PPM1E: variants seen among roughly 807,000 people sequenced by gnomAD.
PPM1E encodes protein phosphatase, Mg2+/Mn2+ dependent 1E, also known as protein phosphatase 1E.
Under a neutral mutation model 65.9 loss-of-function variants are expected in PPM1E, and 20 were observed. That is an observed-to-expected ratio of 0.30 (90% confidence interval 0.21 to 0.44). PPM1E has a LOEUF of 0.44. PPM1E is among the 20% of genes least tolerant of loss of function. The pLI, the probability that PPM1E is intolerant of heterozygous loss-of-function variation, is 1.00. For missense variants in PPM1E, 713 were observed against 953.1 expected, an observed-to-expected ratio of 0.75 and a Z score of 3.32; for synonymous variants, 352 against 374.9, an observed-to-expected ratio of 0.94 and a Z score of 0.70.
intron 1 of PPM1E, among the ~76,000 whole-genome samples, chr17:58,941,213 C>A (rs991805413): frequency 7.9e-5 from 12 of 152,226 alleles, no homozygotes; most frequent in African/African-American, 2.9e-4. Flanking sequence ...ATTTCCATAG[C>A]ATGGAAGGAG....
intron 1 of PPM1E, among the ~76,000 whole-genome samples, chr17:58,942,359 C>G (rs2052085186): frequency 6.6e-6 from 1 of 151,994 alleles, no homozygotes; most frequent in Non-Finnish European, 1.5e-5. Flanking sequence ...ACACTCCAGT[C>G]TGGGCAACAC....
intron 1 of PPM1E, among the ~76,000 whole-genome samples, chr17:58,766,399 A>C (rs759909714): frequency 1.3e-5 from 2 of 149,938 alleles, no homozygotes; most frequent in Non-Finnish European, 3.0e-5. Context: ...ACAGGGTTTC[A>C]TCATGTTGGT....
At chr17:58,888,325 G>C (rs1482353753) in intron 1 of PPM1E, among the ~76,000 whole-genome samples, 1 of 149,282 alleles carries the variant, frequency 6.7e-6, no homozygotes, top group Non-Finnish European at 1.5e-5. Context: ...TTGCATTATG[G>C]AATATTGATG....
chr17:58,928,360 A>G (rs532167525), intron 1 of PPM1E, among the ~76,000 whole-genome samples: 1 of 152,106 alleles, frequency 6.6e-6, no homozygotes, highest in South Asian at 2.1e-4. Context: ...ATTTGAAAGA[A>G]ATTATTATAT....
intron 1 of PPM1E, among the ~76,000 whole-genome samples, chr17:58,886,170 G>T (rs1231773150): frequency 1.3e-5 from 2 of 152,252 alleles, no homozygotes; most frequent in Non-Finnish European, 2.9e-5. Context: ...TGTCCTTGAG[G>T]ATTTAAACCT....
intron 1 of PPM1E, among the ~76,000 whole-genome samples, chr17:58,830,709 G>A (rs531690702): frequency 4.0e-5 from 6 of 151,614 alleles, no homozygotes; most frequent in Admixed American, 6.6e-5. Flanking sequence ...TTTTTGAGAC[G>A]GAGTCTCACT....
chr17:58,915,203 C>A (rs1038173343), intron 1 of PPM1E, among the ~76,000 whole-genome samples: 1 of 152,162 alleles, frequency 6.6e-6, no homozygotes, highest in Non-Finnish European at 1.5e-5. Flanking sequence ...GCCTTGAGGG[C>A]TGCTGGTTGT....
chr17:58,811,808 C>G (rs1436086212), intron 1 of PPM1E, among the ~76,000 whole-genome samples: 1 of 151,912 alleles, frequency 6.6e-6, no homozygotes, highest in Non-Finnish European at 1.5e-5. Flanking sequence ...GTAGCTGGGA[C>G]TATAGGCGTG....
intron 1 of PPM1E, among the ~76,000 whole-genome samples, chr17:58,833,135 A>C (rs1350569791): frequency 6.6e-6 from 1 of 151,680 alleles, no homozygotes; most frequent in Non-Finnish European, 1.5e-5. Flanking sequence ...TGTTTGGGGG[A>C]TGTATGTAGT....
At chr17:58,866,396 G>A (rs2143324055) in intron 1 of PPM1E, among the ~76,000 whole-genome samples, 1 of 152,250 alleles carries the variant, frequency 6.6e-6, no homozygotes, top group Non-Finnish European at 1.5e-5. Flanking sequence ...CTTCTACAGT[G>A]CCCCTTGCTG....
At chr17:58,858,908 G>T (rs994886190) in intron 1 of PPM1E, among the ~76,000 whole-genome samples, 1 of 152,200 alleles carries the variant, frequency 6.6e-6, no homozygotes. Flanking sequence ...CCTCCATATT[G>T]TTCTCCAGAT....
chr17:58,852,612 T>G (rs1325447157), intron 1 of PPM1E, among the ~76,000 whole-genome samples: 16 of 106,378 alleles, frequency 1.5e-4, no homozygotes, highest in South Asian at 8.4e-4. Flanking sequence ...TTTTTTTTTG[T>G]TTTTTTTTTT....
At chr17:58,912,538 A>C (rs2051639277) in intron 1 of PPM1E, among the ~76,000 whole-genome samples, 1 of 152,212 alleles carries the variant, frequency 6.6e-6, no homozygotes, top group African/African-American at 2.4e-5. Context: ...GAAAGAGTAG[A>C]ATTGTAGGAG....
chr17:58,776,702 T>C (rs2049997805), intron 1 of PPM1E, among the ~76,000 whole-genome samples: 1 of 152,206 alleles, frequency 6.6e-6, no homozygotes, highest in Non-Finnish European at 1.5e-5. Context: ...ACTTATGAAC[T>C]CATGAATATT....
chr17:58,852,228 C>G (rs1050489528), intron 1 of PPM1E, among the ~76,000 whole-genome samples: 6 of 152,130 alleles, frequency 3.9e-5, no homozygotes, highest in Non-Finnish European at 8.8e-5. Context: ...TTGCGCTTCC[C>G]GGGTGAAGCA....
At chr17:58,798,307 C>A (rs1214266400) in intron 1 of PPM1E, among the ~76,000 whole-genome samples, 1 of 148,970 alleles carries the variant, frequency 6.7e-6, no homozygotes, top group South Asian at 2.1e-4. Flanking sequence ...CGGCTTGCTG[C>A]AACCTCCACC....
chr17:58,758,399 G>A (rs916618210), intron 1 of PPM1E, among the ~76,000 whole-genome samples: 7 of 151,856 alleles, frequency 4.6e-5, no homozygotes, highest in African/African-American at 1.7e-4. Flanking sequence ...GTGGTGTCGC[G>A]CGCCTGTAAT....
chr17:58,810,497 G>A (rs1300101729), intron 1 of PPM1E, among the ~76,000 whole-genome samples: 3 of 152,084 alleles, frequency 2.0e-5, no homozygotes, highest in Non-Finnish European at 2.9e-5. Context: ...GAGCCACTGC[G>A]CCCGGCCGCT....
chr17:58,972,300 G>A (rs767370345), intron 5 of PPM1E, 25 bp downstream of exon 5: 3 of 1,591,140 alleles, frequency 1.9e-6, no homozygotes, highest in African/African-American at 2.7e-5. Context: ...TTTTAATAGA[G>A]CCCATGCTCT....
Sources: allele counts gnomAD v4.1 joint callset (sites outside exome capture counted in the v4.1 genomes callset), GRCh38; gene constraint gnomAD v4.1.1; transcripts MANE v1.5; gene names NCBI Gene and HGNC (gene_info 2026-07-23, HGNC 2026-07-21).